The following CDK17 variants were observed in gnomAD, a reference collection of about 807,000 sequenced individuals.
The protein encoded by CDK17 is cyclin dependent kinase 17.
In CDK17, 24 loss-of-function variants were observed where a neutral mutation model predicts 77.6. That is an observed-to-expected ratio of 0.31 (90% CI 0.22 to 0.44). The LOEUF (loss-of-function observed/expected upper bound fraction) is 0.44, where lower values mean the gene tolerates loss of function less well. CDK17 is among the 20% of genes least tolerant of loss of function. The probability of loss-of-function intolerance (pLI) is 1.00; values close to 1 mark genes in which losing one functional copy is unlikely to be tolerated. For missense variants in CDK17, 429 were observed against 622.5 expected, an observed-to-expected ratio of 0.69 and a Z score of 3.31; for synonymous variants, 203 against 210.4, an observed-to-expected ratio of 0.96 and a Z score of 0.30.
intron 3 of CDK17, among the ~76,000 whole-genome samples, chr12:96,315,921 G>T (rs1297308724): frequency 6.6e-6 from 1 of 151,924 alleles, no homozygotes; most frequent in Non-Finnish European, 1.5e-5. Flanking sequence ...AGACTTACAG[G>T]GTACATTTAA....
chr12:96,282,411 T>C (rs967187165), intron 15 of CDK17, 98 bp downstream of exon 15: 3 of 742,394 alleles, frequency 4.0e-6, no homozygotes, highest in Non-Finnish European at 7.0e-6. Flanking sequence ...ACTAGAATCT[T>C]AGGCTTAAAA....
At chr12:96,335,722 A>T (rs976449556) in intron 1 of CDK17, among the ~76,000 whole-genome samples, 1 of 152,228 alleles carries the variant, frequency 6.6e-6, no homozygotes. Context: ...TGTAACTGAC[A>T]GTATTTTTTC....
rs1028060840 is a variant in CDK17, at chr12:96,291,139, A to G, written c.998-1852T>C. Among the ~76,000 whole-genome samples the G allele has an allele frequency of 5.7e-5, 8 of 139,896 alleles. No homozygotes were observed. The East Asian group carries it at 1.3e-3, about 22-fold the overall frequency. 91.8% of individuals were successfully genotyped at this position (139,896 alleles called of 152,430 possible). ...TATGCAACCAAAAAAAAAAAAAAAA[A>G]GGAAGAAATAGAGACAGAATTGAAT... is the stretch of plus-strand genomic sequence containing the variant. On this transcript the variant is annotated intron_variant, in intron 10 of 16. Transcript: ENST00000261211.
At chr12:96,297,005 C>T (rs889051305) in intron 9 of CDK17, among the ~76,000 whole-genome samples, 22 of 151,924 alleles carry the variant, frequency 1.4e-4, no homozygotes, top group African/African-American at 5.3e-4. Context: ...TACACCTGTA[C>T]ATATATTCTA....
intron 15 of CDK17, 108 bp from the exon 16 acceptor site, chr12:96,280,993 AT>A: frequency 1.1e-6 from 1 of 911,716 alleles, no homozygotes; most frequent in Non-Finnish European, 1.6e-6. Context: ...ATATGAAACC[AT>A]TTTACAAGGT....
chr12:96,367,503 A>G (rs1176978752), intron 1 of CDK17, among the ~76,000 whole-genome samples: 1 of 152,108 alleles, frequency 6.6e-6, no homozygotes, highest in East Asian at 1.9e-4. Context: ...TACTTAATGA[A>G]CTAGAGCAGA....
At chr12:96,375,294 T>C (rs1253888947) in intron 1 of CDK17, among the ~76,000 whole-genome samples, 2 of 152,114 alleles carry the variant, frequency 1.3e-5, no homozygotes, top group Non-Finnish European at 2.9e-5. Context: ...GGCTTCTCTA[T>C]AACAATATCT....
intron 2 of CDK17, among the ~76,000 whole-genome samples, chr12:96,325,447 GA>G (rs1170392810): frequency 2.0e-5 from 3 of 152,230 alleles, no homozygotes; most frequent in African/African-American, 7.2e-5. Flanking sequence ...GCCTTAAAGT[GA>G]AAGGCTTCTC....
chr12:96,387,675 C>T (rs1953996960), intron 1 of CDK17, among the ~76,000 whole-genome samples: 2 of 152,252 alleles, frequency 1.3e-5, no homozygotes, highest in South Asian at 2.1e-4. Context: ...GGCATGGTGG[C>T]TCACACCTGT....
chr12:96,388,410 A>T (rs1954012176), intron 1 of CDK17, among the ~76,000 whole-genome samples: 3 of 152,218 alleles, frequency 2.0e-5, no homozygotes, highest in Non-Finnish European at 4.4e-5. Flanking sequence ...ACCCCCAAAC[A>T]TACAAGAAGG....
intron 15 of CDK17, among the ~76,000 whole-genome samples, chr12:96,281,384 T>G (rs886100461): frequency 6.6e-6 from 1 of 152,246 alleles, no homozygotes; most frequent in African/African-American, 2.4e-5. Context: ...CCTTTTTCTT[T>G]TTGAGACGGA....
At chr12:96,379,019 T>C (rs1953832959) in intron 1 of CDK17, among the ~76,000 whole-genome samples, 1 of 152,196 alleles carries the variant, frequency 6.6e-6, no homozygotes, top group Non-Finnish European at 1.5e-5. Context: ...AAAATGGTTA[T>C]AATAGTGGAA....
chr12:96,307,332 C>G (rs143705782), intron 5 of CDK17, among the ~76,000 whole-genome samples: 1 of 152,024 alleles, frequency 6.6e-6, no homozygotes, highest in East Asian at 1.9e-4. Context: ...GAACACTTAA[C>G]CATAAATAAA....
chr12:96,363,875 T>C (rs1387314489), intron 1 of CDK17, among the ~76,000 whole-genome samples: 2 of 152,164 alleles, frequency 1.3e-5, no homozygotes, highest in Non-Finnish European at 2.9e-5. Context: ...TAAATACTGT[T>C]TTTTGAACTT....
chr12:96,353,077 C>T (rs182495178), intron 1 of CDK17, among the ~76,000 whole-genome samples: 167 of 152,214 alleles, frequency 1.1e-3, no homozygotes, highest in Non-Finnish European at 2.1e-3. Flanking sequence ...ACTTCATATA[C>T]TAATAAGTAT....
intron 1 of CDK17, among the ~76,000 whole-genome samples, chr12:96,350,534 TATAGACCAACAGA>T (rs1280607770): frequency 1.3e-5 from 2 of 152,080 alleles, no homozygotes; most frequent in African/African-American, 4.8e-5. Flanking sequence ...AATAGATATA[TATAGACCAACAGA>T]ATAGAATTGA....
intron 1 of CDK17, among the ~76,000 whole-genome samples, chr12:96,398,100 A>G (rs1163748362): frequency 6.6e-6 from 1 of 151,494 alleles, no homozygotes; most frequent in Non-Finnish European, 1.5e-5. Flanking sequence ...CTATATTTGC[A>G]TAGTAATTTT....
chr12:96,340,502 TAATA>T (rs1953107157), intron 1 of CDK17, among the ~76,000 whole-genome samples: 1 of 152,140 alleles, frequency 6.6e-6, no homozygotes, highest in Non-Finnish European at 1.5e-5. Flanking sequence ...TAAACACAGA[TAATA>T]AAGAATTTCA....
rs1456363793 is a variant in CDK17, at chr12:96,400,020, G to T, written c.-64C>A. ...CGGGGACCGCGGGTCCCGAGGCGAG[G>T]CGAAGAGAGGCGCGGGGGGAAGCTG... On this transcript the variant is annotated 5_prime_UTR_variant, in exon 1 of 17. Coordinates refer to ENST00000261211, the MANE Select transcript of CDK17 (RefSeq NM_002595.5). The T allele has an allele frequency of 5.2e-6, 2 of 385,134 alleles. No homozygotes were observed. Among genetic ancestry groups the T allele is most frequent in the Non-Finnish European group, 9.2e-6 (2 of 217,870 alleles). 23.9% of individuals were successfully genotyped at this position (385,134 alleles called of 1,614,324 possible). A position where few individuals can be genotyped will look rare whatever the true frequency, so the allele number is the denominator to read the frequency against.
Sources: gnomAD v4.1 joint callset for allele counts (sites outside exome capture counted in the v4.1 genomes callset) on GRCh38, gnomAD v4.1.1 for gene constraint, MANE v1.5 for transcripts, NCBI Gene and HGNC (gene_info 2026-07-23, HGNC 2026-07-21) for gene names.